The following AVIL variants were observed in gnomAD, a reference collection of about 807,000 sequenced individuals.
The protein encoded by AVIL is advillin.
Under a neutral mutation model 109.9 loss-of-function variants are expected in AVIL, and 78 were observed. The observed-to-expected ratio is 0.71, with a 90% CI of 0.59 to 0.86. The LOEUF (loss-of-function observed/expected upper bound fraction) is 0.86, where lower values mean the gene tolerates loss of function less well. Among genes scored for constraint, AVIL ranks in the 40% least tolerant of loss-of-function variants. The pLI, the probability that AVIL is intolerant of heterozygous loss-of-function variation, is 0.00. For missense variants in AVIL, 892 were observed against 1,016.5 expected (o/e 0.88, Z 1.67); for synonymous variants, 367 against 379.1 (o/e 0.97, Z 0.37).
chr12:57,798,994 T>C (rs1006463039), intron 19 of AVIL, among the ~76,000 whole-genome samples: 2 of 152,198 alleles, frequency 1.3e-5, no homozygotes, highest in African/African-American at 4.8e-5. Context: ...CTAGGCACTG[T>C]TGTAGGTGCA....
At position 57,813,211 on chromosome 12, in the gene AVIL, G is replaced by C; in HGVS notation, c.338+16C>G. 6 of 1,600,694 alleles carry C rather than the reference G, an allele frequency of 3.7e-6. No individual in the cohort carries two copies. The highest frequency in any genetic ancestry group is 5.1e-6 in the Non-Finnish European group (6 of 1,170,378). Reference sequence around the variant, plus strand: ...AAACTGCTGTTTCTGTCCTTGCTCTGTGCACCCCTACTCACATGATGCCCT... The same window carrying C: ...AAACTGCTGTTTCTGTCCTTGCTCTCTGCACCCCTACTCACATGATGCCCT... On this transcript the variant is annotated intron_variant, in intron 4 of 19. Coordinates refer to ENST00000549994, the MANE Select transcript of AVIL (RefSeq NM_006576.4).
intron 2 of AVIL, chr12:57,814,596 A>G (rs967849326): frequency 9.3e-6 from 2 of 213,908 alleles, no homozygotes; most frequent in African/African-American, 4.5e-5. Flanking sequence ...TTGTGCCAGC[A>G]CCTCCAACGC....
At chr12:57,805,269 C>T (rs370838368) in intron 14 of AVIL, among the ~76,000 whole-genome samples, 1 of 152,014 alleles carries the variant, frequency 6.6e-6, no homozygotes, top group African/African-American at 2.4e-5. Context: ...GCTGGCCGGG[C>T]TGGTCTCAAA....
In AVIL at chr12:57,811,050, A is replaced by C; in HGVS notation, c.416T>G (p.Val139Gly). 6.2e-7 allele frequency: 1 copy of C among 1,614,016 alleles called. No homozygotes were observed. The highest frequency in any genetic ancestry group is 8.5e-7 in the Non-Finnish European group (1 of 1,180,008). Residue 139 changes from valine (V) to glycine (G), a missense_variant, in exon 5 of 20, where the codon GTG (valine) becomes GGG (glycine). Transcript: ENST00000549994. ...AGCCCTGATGTTTCTTTTCCCTTTC[A>C]CATGTAGCAGCCGCTTCACGTCGTA... is the stretch of plus-strand genomic sequence containing the variant. ...NTYDVKRLLH[V>G]KGKRNIRATE...
chr12:57,815,152 C>T (rs1956085508), intron 2 of AVIL, among the ~76,000 whole-genome samples: 1 of 152,172 alleles, frequency 6.6e-6, no homozygotes, highest in Non-Finnish European at 1.5e-5. Context: ...TGGGGTTTCA[C>T]TGTGTTAGCC....
rs769503456 is a variant in AVIL at position 57,816,036 on chromosome 12, G to C, written c.5C>G (p.Pro2Arg). 21 of 1,612,822 alleles carry C rather than the reference G, an allele frequency of 1.3e-5. No homozygotes were observed. In the South Asian group the frequency reaches 2.1e-4, roughly 16 times the overall value. M[P>R]LTSAFRAVDN... ...CACAGCCCTGAAGGCACTGGTCAGAGGCATGATGCTTGTCTTTCCAGGACT... is the reference window on the plus strand; with the variant it reads ...CACAGCCCTGAAGGCACTGGTCAGACGCATGATGCTTGTCTTTCCAGGACT... Residue 2 changes from proline to arginine, a missense_variant, in exon 2 of 20, where the codon CCT becomes CGT. Physicochemically the swap from Pro to Arg is moderately radical, Grantham distance 103. Transcript: ENST00000549994.
chr12:57,815,623 G>A (rs1439967171), intron 2 of AVIL: 2 of 1,308,532 alleles, frequency 1.5e-6, no homozygotes, highest in Non-Finnish European at 2.0e-6. Flanking sequence ...TGGAAGACAT[G>A]TTCCATTTCT....
intron 4 of AVIL, among the ~76,000 whole-genome samples, chr12:57,812,768 G>A (rs1030641814): frequency 3.9e-5 from 6 of 152,224 alleles, no homozygotes; most frequent in Non-Finnish European, 5.9e-5. Context: ...TGTGTTAGGT[G>A]TGTATCTAAT....
chr12:57,803,610 G>C lies in AVIL; in HGVS notation c.1731C>G (p.Gly577=), dbSNP rs561583168. ...AKELASLLCD[G]SENTVAEGQE... is the part of the protein sequence containing the mutation. ...GGCCCTCGGCCACAGTGTTCTCGCTGCCATCACAGAGAAGGCTGGCCAGCT... is the reference window on the plus strand; with the variant it reads ...GGCCCTCGGCCACAGTGTTCTCGCTCCCATCACAGAGAAGGCTGGCCAGCT... The change falls in exon 15 of 20, where the codon GGC becomes GGG. Residue 577 remains glycine, a synonymous_variant. Transcript: ENST00000549994. 5 of 1,614,154 alleles carry C rather than the reference G, an allele frequency of 3.1e-6. No individual in the cohort carries two copies. The highest frequency in any genetic ancestry group is 2.2e-5 in the East Asian group (1 of 44,874).
intron 4 of AVIL, among the ~76,000 whole-genome samples, chr12:57,812,639 C>T (rs970275055): frequency 5.3e-5 from 8 of 152,086 alleles, no homozygotes; most frequent in African/African-American, 1.2e-4. Context: ...GGATTACAGG[C>T]GTAAGCCACC....
chr12:57,806,330 C>T lies in AVIL; in HGVS notation c.1671+30G>A, dbSNP rs769002961. 3.1e-6 allele frequency: 5 copies of T among 1,612,924 alleles called. No homozygotes were observed. In the African/African-American group the frequency reaches 6.7e-5, roughly 22 times the overall value. ...GAGTGCAGGTCTGGGCTCCGAGGGG[C>T]TGGTCTGACCCGGGGCCCAGCCATC... is the stretch of plus-strand genomic sequence containing the variant. On this transcript the variant is annotated intron_variant, in intron 14 of 19. Coordinates refer to ENST00000549994, the MANE Select transcript of AVIL (RefSeq NM_006576.4).
chr12:57,799,925 G>A lies in AVIL; in HGVS notation c.2221-5C>T, dbSNP rs776197325. ...GAGGGTTGCATTCTTCATGTCCTAG[G>A]TAAGATAAGAATGTAGGCACAGGGA... On this transcript the variant is annotated splice_polypyrimidine_tract_variant and splice_region_variant and intron_variant, in intron 18 of 19. Transcript: ENST00000549994. 3 of 1,614,074 alleles carry A rather than the reference G, an allele frequency of 1.9e-6. No homozygotes were observed. Among genetic ancestry groups the A allele is most frequent in the Middle Eastern group, 1.6e-4 (1 of 6,062 alleles).
In AVIL at chr12:57,797,504, G is replaced by T; in HGVS notation, c.*378C>A. The T allele has an allele frequency of 1.0e-6, 1 of 974,868 alleles. No individual in the cohort carries two copies. The highest frequency in any genetic ancestry group is 1.2e-6 in the Non-Finnish European group (1 of 820,294). The allele number at this position is 974,868 out of a possible 1,614,324, so 60.4% of individuals were successfully genotyped here. Reference sequence around the variant, plus strand: ...TGATTTACAGGCTAAATAGATTTTAGAAATAATCATCTTAAAATTGAAAAC... The same window carrying T: ...TGATTTACAGGCTAAATAGATTTTATAAATAATCATCTTAAAATTGAAAAC... On this transcript the variant is annotated 3_prime_UTR_variant, in exon 20 of 20. Coordinates refer to ENST00000549994, the MANE Select transcript of AVIL (RefSeq NM_006576.4).
At position 57,802,259 on chromosome 12, in the gene AVIL, G is replaced by A. The variant is rs779740541; in HGVS notation, c.2052C>T (p.Ser684=). Residue 684 remains serine, a synonymous_variant, in exon 17 of 20, where the codon AGC becomes AGT. Coordinates refer to ENST00000549994, the MANE Select transcript of AVIL (RefSeq NM_006576.4). The part of the protein sequence containing the change: ...TAQQYLHTHP[S]GRDPDTPILI... The stretch of plus-strand genomic sequence containing the variant: ...GGATTGGTGTGTCGGGATCTCGGCC[G>A]CTGGGGTGAGTGTGCAGGTACTGCT... 1.5e-5 allele frequency: 24 copies of A among 1,614,000 alleles called. No individual in the cohort carries two copies. The highest frequency in any genetic ancestry group is 2.2e-5 in the East Asian group (1 of 44,896).
At position 57,799,903 on chromosome 12, in the gene AVIL, G is replaced by A. The variant is rs1162546794; in HGVS notation, c.2238C>T (p.Thr746=). The A allele has an allele frequency of 1.2e-6, 2 of 1,614,022 alleles. No homozygotes were observed. The highest frequency in any genetic ancestry group is 1.7e-6 in the Non-Finnish European group (2 of 1,180,026). Residue 746 remains threonine (T), a synonymous_variant, in exon 19 of 20, where the codon ACC becomes ACT. Coordinates refer to ENST00000549994, the MANE Select transcript of AVIL (RefSeq NM_006576.4). ...MRITADMKNA[T]LSLNSNDSEP... ...CACTGTCATTAGAATTCAGGGAGAG[G>A]GTTGCATTCTTCATGTCCTAGGTAA...
Position 57,807,715 on chromosome 12 carries a change from C to T in AVIL, c.1207G>A (p.Glu403Lys). The stretch of plus-strand genomic sequence containing the variant: ...TCCACAGGGACCAGCTCCAGGTTCT[C>T]AATTCTCCAGACCTGGGCATAGAAG... Reference protein sequence around the residue: ...GNGKVEVWRIENLELVPVEYQ... With the variant: ...GNGKVEVWRIKNLELVPVEYQ... Residue 403 changes from glutamate to lysine, a missense_variant, in exon 12 of 20, where the codon GAG becomes AAG. By Grantham distance (56) the Glu-to-Lys change is moderately conservative. Coordinates refer to ENST00000549994, the MANE Select transcript of AVIL (RefSeq NM_006576.4). 6.2e-7 allele frequency: 1 copy of T among 1,613,976 alleles called. No individual in the cohort carries two copies. Among genetic ancestry groups the T allele is most frequent in the South Asian group, 1.1e-5 (1 of 91,084 alleles).
At chr12:57,813,459 G>A (rs1299973646) in intron 3 of AVIL, 36 bp from the exon 4 acceptor site, 1 of 1,589,402 alleles carries the variant, frequency 6.3e-7, no homozygotes, top group Non-Finnish European at 8.6e-7. Flanking sequence ...TCAGAGGCCA[G>A]CTCACCTCCC....
At chr12:57,803,693 C>T in intron 14 of AVIL, 24 bp from the exon 15 acceptor site, 1 of 1,610,716 alleles carries the variant, frequency 6.2e-7, no homozygotes. Flanking sequence ...GAGGAGAGCA[C>T]AGATGTTAGT....
intron 1 of AVIL, among the ~76,000 whole-genome samples, chr12:57,818,181 G>GTTTTT (rs1956119665): frequency 3.4e-5 from 2 of 59,384 alleles, no homozygotes; most frequent in Admixed American, 2.2e-4. Flanking sequence ...ACCATGCTTG[G>GTTTTT]CTTTTTTTTT....
Sources: gnomAD v4.1 joint callset for allele counts (sites outside exome capture counted in the v4.1 genomes callset) on GRCh38, gnomAD v4.1.1 for gene constraint, MANE v1.5 for transcripts, NCBI Gene and HGNC (gene_info 2026-07-23, HGNC 2026-07-21) for gene names.